The following SETX variants were observed in gnomAD, a reference collection of about 807,000 sequenced individuals.
The protein encoded by SETX is helicase senataxin.
A neutral mutation model predicts 227.2 loss-of-function variants in SETX; 90 were observed. The observed-to-expected ratio is 0.40, with a 90% CI of 0.33 to 0.47. SETX has a LOEUF of 0.47. Among genes scored for constraint, SETX ranks in the 20% least tolerant of loss-of-function variants. The pLI is 0.91. For synonymous variants in SETX, 1,210 were observed against 1,113.2 expected, an observed-to-expected ratio of 1.09 and a Z score of -1.73; for missense variants, 3,052 against 3,181.5, an observed-to-expected ratio of 0.96 and a Z score of 0.98.
chr9:132,344,245 G>A (rs1015551580), intron 4 of SETX, among the ~76,000 whole-genome samples: 2 of 152,150 alleles, frequency 1.3e-5, no homozygotes, highest in African/African-American at 4.8e-5. Context: ...ACAGGGTCTT[G>A]CGCTGTTGCC....
chr9:132,331,557 A>C, intron 7 of SETX, 109 bp from the exon 8 acceptor site: 2 of 1,196,806 alleles, frequency 1.7e-6, no homozygotes, highest in Non-Finnish European at 2.4e-6. Context: ...ACCCAACTAA[A>C]AGCCAAGGAG....
At chr9:132,326,245 A>T in intron 10 of SETX, 79 bp downstream of exon 10, 1 of 1,138,362 alleles carries the variant, frequency 8.8e-7, no homozygotes, top group Non-Finnish European at 1.3e-6. Flanking sequence ...TTTTTGAACT[A>T]TACTCTCATT....
intron 20 of SETX, among the ~76,000 whole-genome samples, chr9:132,280,965 T>G (rs1175735529): frequency 6.6e-6 from 1 of 152,212 alleles, no homozygotes; most frequent in Non-Finnish European, 1.5e-5. Flanking sequence ...GACATGTTCT[T>G]GTATTAACAC....
At chr9:132,342,167 C>T (rs771231430) in intron 5 of SETX, among the ~76,000 whole-genome samples, 2 of 152,130 alleles carry the variant, frequency 1.3e-5, no homozygotes, top group African/African-American at 2.4e-5. Context: ...TGTCTTACCA[C>T]AAAAGGTGAC....
At chr9:132,265,226 T>G (rs1035979296) in intron 25 of SETX, among the ~76,000 whole-genome samples, 5 of 120,650 alleles carry the variant, frequency 4.1e-5, no homozygotes, top group Non-Finnish European at 8.1e-5. Flanking sequence ...CAACTTTTGT[T>G]TTTTTTTTTT....
At chr9:132,275,181 C>A (rs1024501781) in intron 23 of SETX, 75 bp downstream of exon 23, 50 of 1,519,194 alleles carry the variant, frequency 3.3e-5, no homozygotes, top group Non-Finnish European at 4.5e-5. Flanking sequence ...AAGAGTTTCC[C>A]TTTTCTTCTT....
At chr9:132,313,040 T>C (rs1845756417) in intron 10 of SETX, among the ~76,000 whole-genome samples, 1 of 152,222 alleles carries the variant, frequency 6.6e-6, no homozygotes, top group Admixed American at 6.5e-5. Flanking sequence ...GAGGCAGATT[T>C]ATAGACAGAC....
chr9:132,308,753 T>C (rs1589695410), intron 11 of SETX, among the ~76,000 whole-genome samples: 1 of 152,172 alleles, frequency 6.6e-6, no homozygotes, highest in Admixed American at 6.5e-5. Context: ...TTAGAAAGTA[T>C]TAAAAGTTGT....
Position 132,331,104 on chromosome 9 carries a change from A to G in SETX, c.1046T>C (p.Met349Thr), listed in dbSNP as rs746860419. The G allele has an allele frequency of 1.3e-5, 21 of 1,613,506 alleles. No homozygotes were observed. Among genetic ancestry groups the G allele is most frequent in the African/African-American group, 2.7e-5 (2 of 74,932 alleles). ...KLEPESYLDD[M>T]VTCSQIVYNY... Reference sequence around the variant, plus strand: ...GTATACGATCTGGCTGCAAGTCACCATATCATCCAAATAGGACTCCGGTTC... The same window carrying G: ...GTATACGATCTGGCTGCAAGTCACCGTATCATCCAAATAGGACTCCGGTTC... The change falls in exon 9 of 26, where the codon ATG becomes ACG. Residue 349 changes from methionine to threonine, a missense_variant. By Grantham distance (81) the Met-to-Thr change is moderately conservative. Transcript: ENST00000224140.
chr9:132,307,206 G>T (rs1223657759), intron 11 of SETX, among the ~76,000 whole-genome samples: 1 of 152,132 alleles, frequency 6.6e-6, no homozygotes, highest in East Asian at 1.9e-4. Flanking sequence ...AGTGAGCCAA[G>T]ATCAGCTACT....
Position 132,265,043 on chromosome 9 carries a change from C to A in SETX, c.7288-58G>T. 7 of 1,584,142 alleles carry A rather than the reference C, an allele frequency of 4.4e-6. No individual in the cohort carries two copies. In the South Asian group the frequency reaches 7.8e-5, roughly 18 times the overall value. On this transcript the variant is annotated intron_variant, in intron 25 of 25. Transcript: ENST00000224140. Reference sequence around the variant, plus strand: ...CCCCAAAGAGACACTGCTTGGGAAGCATAGAGTTCCAGCTTTCATTTCTGA... The same window carrying A: ...CCCCAAAGAGACACTGCTTGGGAAGAATAGAGTTCCAGCTTTCATTTCTGA...
At chr9:132,335,867 A>G (rs1847580352) in intron 6 of SETX, among the ~76,000 whole-genome samples, 1 of 152,224 alleles carries the variant, frequency 6.6e-6, no homozygotes, top group Non-Finnish European at 1.5e-5. Context: ...ATGACAGAAT[A>G]AGAACTGAGA....
chr9:132,264,587 G>T lies in SETX; in HGVS notation c.7686C>A (p.Ser2562Arg). 6.2e-7 allele frequency: 1 copy of T among 1,614,190 alleles called. No homozygotes were observed. Among genetic ancestry groups the T allele is most frequent in the Middle Eastern group, 1.6e-4 (1 of 6,062 alleles). Residue 2562 changes from serine (S) to arginine (R), a missense_variant, in exon 26 of 26, where the codon AGC (serine) becomes AGA (arginine). Coordinates refer to ENST00000224140, the MANE Select transcript of SETX (RefSeq NM_015046.7). ...GAGGTGTTGCTCCAGGATGCTGGGG[G>T]CTCGAGGGTTGTGGATCCCAAAGGA... ...GIFLWDPQPS[S>R]PQHPGATPPT...
At chr9:132,277,939 C>T in intron 21 of SETX, 131 bp downstream of exon 21, 1 of 907,824 alleles carries the variant, frequency 1.1e-6, no homozygotes, top group Non-Finnish European at 1.7e-6. Flanking sequence ...GCTATTATAA[C>T]AGGACAAAAT....
At chr9:132,283,210 A>G in intron 19 of SETX, 54 bp downstream of exon 19, 1 of 1,610,816 alleles carries the variant, frequency 6.2e-7, no homozygotes, top group Non-Finnish European at 8.5e-7. Context: ...CAATTCATCT[A>G]AGACTTACTC....
At chr9:132,337,087 T>A (rs1847672463) in intron 5 of SETX, among the ~76,000 whole-genome samples, 1 of 151,928 alleles carries the variant, frequency 6.6e-6, no homozygotes, top group African/African-American at 2.4e-5. Flanking sequence ...TATATAATAA[T>A]ATTTTTCGTT....
intron 11 of SETX, among the ~76,000 whole-genome samples, chr9:132,301,088 CTTTTTTTTTTT>C (rs200657740): frequency 6.5e-5 from 8 of 123,968 alleles, no homozygotes; most frequent in South Asian, 2.5e-4. Context: ...GTTTATTCTG[CTTTTTTTTTTT>C]TTTTTTTTTT....
At chr9:132,275,188 T>C in intron 23 of SETX, 68 bp downstream of exon 23, 2 of 1,544,824 alleles carry the variant, frequency 1.3e-6, no homozygotes, top group Non-Finnish European at 1.8e-6. Context: ...TCCCTTTTCT[T>C]CTTTCCTTCT....
At chr9:132,352,695 C>T (rs1848664672) in intron 2 of SETX, among the ~76,000 whole-genome samples, 1 of 152,216 alleles carries the variant, frequency 6.6e-6, no homozygotes, top group African/African-American at 2.4e-5. Context: ...AACTGACAGC[C>T]TAGCCTAGAA....
Sources: gnomAD v4.1 joint callset for allele counts (sites outside exome capture counted in the v4.1 genomes callset) on GRCh38, gnomAD v4.1.1 for gene constraint, MANE v1.5 for transcripts, NCBI Gene and HGNC (gene_info 2026-07-23, HGNC 2026-07-21) for gene names.